Variants in NLRC4 observed in about 807,000 individuals in gnomAD.
The protein encoded by NLRC4 is NLR family CARD domain-containing protein 4.
A neutral mutation model predicts 79.9 loss-of-function variants in NLRC4; 63 were observed. That is an observed-to-expected ratio of 0.79 (90% CI 0.64 to 0.97). The LOEUF is 0.97. Among genes scored for constraint, NLRC4 ranks in the 50% least tolerant of loss-of-function variants. NLRC4 has a pLI of 0.00. For synonymous variants in NLRC4, 461 were observed against 456.5 expected, an observed-to-expected ratio of 1.01 and a Z score of -0.12; for missense variants, 1,074 against 1,215.2, an observed-to-expected ratio of 0.88 and a Z score of 1.73.
chr2:32,252,701 T>A (rs759971295), intron 2 of NLRC4, 22 bp from the exon 3 acceptor site: 1 of 1,601,208 alleles, frequency 6.2e-7, no homozygotes, highest in South Asian at 1.1e-5. Flanking sequence ...GGGAGAAATA[T>A]ACATATTTAT....
In NLRC4 at chr2:32,224,629, A is replaced by G; in HGVS notation, c.2919T>C (p.Ser973=). 6.2e-7 allele frequency: 1 copy of G among 1,613,828 alleles called. No individual in the cohort carries two copies. The highest frequency in any genetic ancestry group is 8.5e-7 in the Non-Finnish European group (1 of 1,179,772). ...CTGGATCAGGTAGAAATTCTTTAGT[A>G]CTAAAGTCAAAAAACACTAATTGCT... The part of the protein sequence containing the change: ...NLKQLVFFDF[S]TKEFLPDPAL... Residue 973 remains serine, a synonymous_variant, in exon 9 of 9, where the codon AGT becomes AGC. Transcript: ENST00000402280.
rs1340125673 is a variant in NLRC4, at chr2:32,236,325, T to G, written c.2536A>C (p.Asn846His). The change falls in exon 7 of 9, where the codon AAT becomes CAT. Residue 846 changes from asparagine (N) to histidine (H), a missense_variant. Physicochemically the swap from Asn to His is moderately conservative, Grantham distance 68. Coordinates refer to ENST00000402280, the MANE Select transcript of NLRC4 (RefSeq NM_001199138.2). ...AVKILAQNLHNLVKLSILDLS... is the reference protein window; with the variant it reads ...AVKILAQNLHHLVKLSILDLS... Reference sequence around the variant, plus strand: ...TCAAGAATGCTCAGTTTGACCAAATTGTGAAGATTCTGAGCTGGGGAAAAA... The same window carrying G: ...TCAAGAATGCTCAGTTTGACCAAATGGTGAAGATTCTGAGCTGGGGAAAAA... The G allele has an allele frequency of 1.2e-6, 2 of 1,605,336 alleles. No individual in the cohort carries two copies. The highest frequency in any genetic ancestry group is 1.7e-6 in the Non-Finnish European group (2 of 1,175,838).
At chr2:32,253,698 C>G (rs1383311298) in intron 2 of NLRC4, among the ~76,000 whole-genome samples, 2 of 151,914 alleles carry the variant, frequency 1.3e-5, no homozygotes, top group East Asian at 3.9e-4. Context: ...GGTGCGGTGG[C>G]TCACACCTGT....
intron 1 of NLRC4, among the ~76,000 whole-genome samples, chr2:32,257,348 C>T (rs1430463646): frequency 6.6e-6 from 1 of 152,182 alleles, no homozygotes; most frequent in Non-Finnish European, 1.5e-5. Flanking sequence ...TGGCTCACGC[C>T]TGTAATCCCA....
At chr2:32,240,071 C>T (rs551637967) in intron 5 of NLRC4, among the ~76,000 whole-genome samples, 9 of 152,220 alleles carry the variant, frequency 5.9e-5, no homozygotes, top group Non-Finnish European at 1.0e-4. Context: ...ACCTCCTCCT[C>T]CTGAGTTCAA....
chr2:32,258,220 A>C (rs958238020), intron 1 of NLRC4, among the ~76,000 whole-genome samples: 1 of 151,992 alleles, frequency 6.6e-6, no homozygotes, highest in East Asian at 1.9e-4. Context: ...TGGCGTGCCG[A>C]TGTCTGTTGT....
chr2:32,261,316 C>CCTTTTTTTTT lies in NLRC4; in HGVS notation c.-119+3421_-119+3422insAAAAAAAAAG. On this transcript the variant is annotated intron_variant, in intron 1 of 8. Coordinates refer to ENST00000402280, the MANE Select transcript of NLRC4 (RefSeq NM_001199138.2). Reference sequence around the variant, plus strand: ...TTCTTTCGCCTATTAAGCCTCCCCCCTTTTGTTTTTTTTTGAGATGGAGCC... The same window carrying CCTTTTTTTTT: ...TTCTTTCGCCTATTAAGCCTCCCCCCCTTTTTTTTTTTTTGTTTTTTTTTGAGATGGAGCC... Among the ~76,000 whole-genome samples, 36 of 96,924 alleles carry CCTTTTTTTTT rather than the reference C, an allele frequency of 3.7e-4. 2 individuals carry two copies. Among genetic ancestry groups the CCTTTTTTTTT allele is most frequent in the African/African-American group, 1.2e-3 (30 of 24,226 alleles). The allele number at this position is 96,924 out of a possible 152,430, so 63.6% of individuals were successfully genotyped here.
chr2:32,254,673 C>T (rs903434367), intron 2 of NLRC4, among the ~76,000 whole-genome samples: 6 of 140,436 alleles, frequency 4.3e-5, no homozygotes, highest in Admixed American at 1.5e-4. Flanking sequence ...GGCTGGAGTG[C>T]AATGGCGCGA....
chr2:32,233,349 A>ATATATATATATATATTTTT (rs1418146489), intron 8 of NLRC4, among the ~76,000 whole-genome samples: 1 of 41,102 alleles, frequency 2.4e-5, no homozygotes, highest in Non-Finnish European at 4.4e-5. Flanking sequence ...ATATATATAT[A>ATATATATATATATATTTTT]TTTTTTTTTT....
upstream of NLRC4, among the ~76,000 whole-genome samples, chr2:32,265,400 C>T (rs778099354): frequency 6.6e-6 from 1 of 152,060 alleles, no homozygotes; most frequent in African/African-American, 2.4e-5. Flanking sequence ...AGGCTGGTCT[C>T]GAACTCCTGA....
At chr2:32,225,850 A>G (rs1164547349) in intron 8 of NLRC4, among the ~76,000 whole-genome samples, 2 of 152,146 alleles carry the variant, frequency 1.3e-5, no homozygotes, top group African/African-American at 4.8e-5. Context: ...GTCTTAGTGT[A>G]CCTCACCCAA....
intron 8 of NLRC4, among the ~76,000 whole-genome samples, chr2:32,231,315 C>T (rs555047729): frequency 5.9e-5 from 9 of 151,980 alleles, no homozygotes; most frequent in Non-Finnish European, 7.4e-5. Context: ...CCACCACGCC[C>T]GGCTAATTTT....
intron 4 of NLRC4, among the ~76,000 whole-genome samples, chr2:32,245,026 T>A (rs757466813): frequency 6.6e-6 from 1 of 151,832 alleles, no homozygotes; most frequent in Non-Finnish European, 1.5e-5. Flanking sequence ...AATGGGATTA[T>A]AGACCGGGCA....
intron 4 of NLRC4, among the ~76,000 whole-genome samples, chr2:32,244,997 G>A (rs1686898475): frequency 6.6e-6 from 1 of 151,384 alleles, no homozygotes; most frequent in Non-Finnish European, 1.5e-5. Flanking sequence ...CGACTTAGGA[G>A]GCTGAGCATT....
At chr2:32,231,970 C>G (rs1359636301) in intron 8 of NLRC4, among the ~76,000 whole-genome samples, 1 of 152,166 alleles carries the variant, frequency 6.6e-6, no homozygotes, top group African/African-American at 2.4e-5. Flanking sequence ...CGATTTCTCA[C>G]AATCACCTTG....
At chr2:32,227,861 T>C (rs1294477765) in intron 8 of NLRC4, among the ~76,000 whole-genome samples, 1 of 152,086 alleles carries the variant, frequency 6.6e-6, no homozygotes, top group Non-Finnish European at 1.5e-5. Context: ...TTTAGAGCCA[T>C]AGGCTGTATG....
chr2:32,259,382 A>G (rs1687286200), intron 1 of NLRC4, among the ~76,000 whole-genome samples: 1 of 149,762 alleles, frequency 6.7e-6, no homozygotes, highest in Non-Finnish European at 1.5e-5. Context: ...TGCTGAGATC[A>G]CAAGAATGAG....
rs992361336 is a variant in NLRC4, at chr2:32,241,049, T to A, written c.2334A>T (p.Glu778Asp). 3.1e-6 allele frequency: 5 copies of A among 1,598,974 alleles called. No individual in the cohort carries two copies. The Admixed American group carries it at 8.4e-5, about 27-fold the overall frequency. ...AAATCTGACCTAGTTTTATAGCATC[T>A]TCTTCATTCATCTTTATGTTATCCA... ...LIMDNIKMNE[E>D]DAIKLAEGLK... The change falls in exon 5 of 9, where the codon GAA (glutamate) becomes GAT (aspartate). Residue 778 changes from glutamate (E) to aspartate (D), a missense_variant. By Grantham distance (45) the Glu-to-Asp change is conservative. Transcript: ENST00000402280.
At chr2:32,258,188 G>T (rs905668077) in intron 1 of NLRC4, among the ~76,000 whole-genome samples, 1 of 152,118 alleles carries the variant, frequency 6.6e-6, no homozygotes, top group African/African-American at 2.4e-5. Flanking sequence ...ACTCCGAGTC[G>T]TTCCTCTGGT....
Sources: gnomAD v4.1 joint callset for allele counts (sites outside exome capture counted in the v4.1 genomes callset) on GRCh38, gnomAD v4.1.1 for gene constraint, MANE v1.5 for transcripts, NCBI Gene and HGNC (gene_info 2026-07-23, HGNC 2026-07-21) for gene names.